The following BLVRA variants were observed in gnomAD, a reference collection of about 807,000 sequenced individuals.
The protein encoded by BLVRA is BVR A.
In BLVRA, 22 loss-of-function variants were observed where a neutral mutation model predicts 32.8. The ratio of observed to expected loss-of-function variants is 0.67; its 90% confidence interval spans 0.48 to 0.96. The LOEUF is 0.96. Ranked by LOEUF, BLVRA falls within the 40% of genes least tolerant of loss-of-function variation. The pLI is 0.00. For missense variants in BLVRA, 323 were observed against 358.1 expected (o/e 0.90, Z 0.79); for synonymous variants, 119 against 141.3 (o/e 0.84, Z 1.12).
At chr7:43,803,536 C>A in intron 6 of BLVRA, 140 bp from the exon 7 acceptor site, 1 of 914,210 alleles carries the variant, frequency 1.1e-6, no homozygotes, top group South Asian at 1.4e-5. Flanking sequence ...ACGTTGCCTG[C>A]CTACCACATA....
At chr7:43,794,470 C>G (rs1585737228) in intron 5 of BLVRA, among the ~76,000 whole-genome samples, 1 of 152,166 alleles carries the variant, frequency 6.6e-6, no homozygotes, top group Non-Finnish European at 1.5e-5. Flanking sequence ...CACGGTGGCT[C>G]AAGCCTGTAA....
At chr7:43,800,647 T>C (rs2095797642) in intron 6 of BLVRA, 75 bp downstream of exon 6, 8 of 1,305,950 alleles carry the variant, frequency 6.1e-6, no homozygotes, top group Non-Finnish European at 8.8e-6. Context: ...CTCTCTGGGA[T>C]GGGAGCTTAT....
At chr7:43,802,700 T>A (rs936452046) in intron 6 of BLVRA, among the ~76,000 whole-genome samples, 10 of 152,078 alleles carry the variant, frequency 6.6e-5, no homozygotes, top group African/African-American at 2.4e-4. Context: ...AGAGTCTTGC[T>A]ATGTTGCCTA....
At chr7:43,777,190 G>A (rs1463477268) in intron 2 of BLVRA, among the ~76,000 whole-genome samples, 3 of 151,042 alleles carry the variant, frequency 2.0e-5, no homozygotes, top group Non-Finnish European at 3.0e-5. Context: ...TCATTATGAT[G>A]TTAGCTGGTT....
At chr7:43,784,901 A>G (rs1342228401) in intron 2 of BLVRA, among the ~76,000 whole-genome samples, 3 of 152,106 alleles carry the variant, frequency 2.0e-5, no homozygotes, top group Non-Finnish European at 4.4e-5. Context: ...GAGCTACTGC[A>G]CTGGGCCTTT....
intron 5 of BLVRA, among the ~76,000 whole-genome samples, chr7:43,800,175 G>A (rs200314069): frequency 6.6e-6 from 1 of 151,798 alleles, no homozygotes; most frequent in South Asian, 2.1e-4. Flanking sequence ...AGGCTGGTCT[G>A]GAACTCCTGA....
chr7:43,798,936 C>A (rs1230678312), intron 5 of BLVRA, among the ~76,000 whole-genome samples: 1 of 149,720 alleles, frequency 6.7e-6, no homozygotes, highest in Non-Finnish European at 1.5e-5. Context: ...GAGACTGTTA[C>A]ATAGTGCTGG....
rs757591198 is a variant in BLVRA at position 43,791,338 on chromosome 7, G to A, written c.224G>A (p.Ser75Asn). The change falls in exon 4 of 8, where the codon AGT (serine) becomes AAT (asparagine). Residue 75 changes from serine (S) to asparagine (N), a missense_variant. Coordinates refer to ENST00000265523, the MANE Select transcript of BLVRA (RefSeq NM_000712.4). ...SQEVEVAYIC[S>N]ESSSHEDYIR... ...GAGGTGGAGGTCGCCTATATCTGCA[G>A]TGAGAGCTCCAGCCATGAGGACTAC... The A allele has an allele frequency of 5.0e-6, 8 of 1,614,194 alleles. No homozygotes were observed. The East Asian group carries it at 1.1e-4, about 22-fold the overall frequency.
chr7:43,764,465 C>CA, intron 1 of BLVRA, among the ~76,000 whole-genome samples: 1 of 152,296 alleles, frequency 6.6e-6, no homozygotes, highest in African/African-American at 2.4e-5. Context: ...GACCTCATCT[C>CA]ATTTCTCTCC....
At chr7:43,791,642 A>G in intron 4 of BLVRA, 1 of 398,196 alleles carries the variant, frequency 2.5e-6, no homozygotes, top group Non-Finnish European at 4.7e-6. Flanking sequence ...TTTCTCTGTA[A>G]AAACCCATCG....
chr7:43,787,316 G>C lies in BLVRA; in HGVS notation c.13-588G>C, dbSNP rs753993299. ...TTCACTGTAATACTGTTCACATACA[G>C]CCTCCAGCAGTGCACTTAAATAATA... On this transcript the variant is annotated intron_variant, in intron 2 of 7. Coordinates refer to ENST00000265523, the MANE Select transcript of BLVRA (RefSeq NM_000712.4). This position sits in a 1 kb window ranked among gnomAD's most constrained non-coding sequence, Gnocchi z 4.5. 1.3e-5 allele frequency among the ~76,000 whole-genome samples: 2 copies of C among 152,268 alleles called. No homozygotes were observed. Among genetic ancestry groups the C allele is most frequent in the East Asian group, 3.9e-4 (2 of 5,180 alleles).
At chr7:43,770,388 G>A (rs1179158155) in intron 1 of BLVRA, among the ~76,000 whole-genome samples, 3 of 152,120 alleles carry the variant, frequency 2.0e-5, no homozygotes, top group African/African-American at 4.8e-5. Context: ...GCTCCTGACC[G>A]TCTGTGTGCC....
At chr7:43,778,507 G>T (rs1029155245) in intron 2 of BLVRA, among the ~76,000 whole-genome samples, 2 of 152,162 alleles carry the variant, frequency 1.3e-5, no homozygotes, top group African/African-American at 4.8e-5. Flanking sequence ...CTGCCTGATC[G>T]GTCCTCTGGA....
rs1322341505 is a variant in BLVRA at position 43,787,930 on chromosome 7, G to A, written c.39G>A (p.Val13=). Residue 13 remains valine (V), a synonymous_variant, in exon 3 of 8, where the codon GTG becomes GTA. Transcript: ENST00000265523. This position sits in a 1 kb window ranked among gnomAD's most constrained non-coding sequence, Gnocchi z 4.5. ...AEPERKFGVV[V]VGVGRAGSVR... is the part of the protein sequence containing the mutation. Reference sequence around the variant, plus strand: ...CCGAGAGGAAGTTTGGCGTGGTGGTGGTTGGTGTTGGCCGAGCCGGCTCCG... The same window carrying A: ...CCGAGAGGAAGTTTGGCGTGGTGGTAGTTGGTGTTGGCCGAGCCGGCTCCG... 1.2e-6 allele frequency: 2 copies of A among 1,614,092 alleles called. No homozygotes were observed. Among genetic ancestry groups the A allele is most frequent in the Non-Finnish European group, 1.7e-6 (2 of 1,180,032 alleles).
chr7:43,761,374 T>C (rs1310379015), intron 1 of BLVRA, among the ~76,000 whole-genome samples: 1 of 152,160 alleles, frequency 6.6e-6, no homozygotes, highest in Admixed American at 6.5e-5. Context: ...CCAATAGAAT[T>C]TTCTGTGATT....
intron 1 of BLVRA, among the ~76,000 whole-genome samples, chr7:43,763,112 C>A (rs73093159): frequency 0.021 from 3,151 of 152,146 alleles, 50 homozygotes; most frequent in Non-Finnish European, 0.03. Flanking sequence ...GAAGAGTGGG[C>A]AGGATTGGAG....
At chr7:43,779,356 G>A (rs1022062541) in intron 2 of BLVRA, among the ~76,000 whole-genome samples, 20 of 152,258 alleles carry the variant, frequency 1.3e-4, no homozygotes, top group African/African-American at 2.9e-4. Context: ...TAATTTCTCC[G>A]TTTTCTCTTC....
At chr7:43,761,091 G>A (rs939877837) in intron 1 of BLVRA, among the ~76,000 whole-genome samples, 31 of 152,206 alleles carry the variant, frequency 2.0e-4, no homozygotes, top group Non-Finnish European at 3.7e-4. Context: ...TTTGAGCTGT[G>A]AGGAAATAGC....
chr7:43,798,228 G>GAAAAAAAAAAA (rs1752854093), intron 5 of BLVRA, among the ~76,000 whole-genome samples: 2 of 95,398 alleles, frequency 2.1e-5, no homozygotes, highest in Non-Finnish European at 2.3e-5. Flanking sequence ...AAAAAAAAAG[G>GAAAAAAAAAAA]AAACGATGCT....
Sources: allele counts gnomAD v4.1 joint callset (sites outside exome capture counted in the v4.1 genomes callset), GRCh38; gene constraint gnomAD v4.1.1; non-coding constraint Gnocchi (gnomAD v3.1); transcripts MANE v1.5; gene names NCBI Gene and HGNC (gene_info 2026-07-23, HGNC 2026-07-21).